Variants in SYT14 observed in about 807,000 individuals in gnomAD.
The protein encoded by SYT14 is synaptotagmin-14.
SYT14 carries 32 observed loss-of-function variants against 74.2 expected under a neutral mutation model. The observed-to-expected ratio is 0.43, with a 90% CI of 0.33 to 0.58. SYT14 has a LOEUF of 0.58. Among genes scored for constraint, SYT14 ranks in the 20% least tolerant of loss-of-function variants. The pLI is 0.05. For missense variants in SYT14, 791 were observed against 981.8 expected, an observed-to-expected ratio of 0.81 and a Z score of 2.60; for synonymous variants, 298 against 337.7, an observed-to-expected ratio of 0.88 and a Z score of 1.29.
intron 5 of SYT14, among the ~76,000 whole-genome samples, chr1:210,055,757 A>T (rs1237055830): frequency 2.6e-5 from 4 of 151,732 alleles, no homozygotes; most frequent in African/African-American, 9.7e-5. Context: ...GTGAGCTATG[A>T]TTGTTCCACT....
At chr1:210,132,329 CTGG>C (rs1558211235) in intron 7 of SYT14, among the ~76,000 whole-genome samples, 3 of 152,030 alleles carry the variant, frequency 2.0e-5, no homozygotes, top group Admixed American at 2.0e-4. Flanking sequence ...GTTCACCCTG[CTGG>C]TGTGCCACGT....
exon 7 of SYT14, chr1:210,100,188 A>G (rs774759872): frequency 3.8e-5 from 61 of 1,613,996 alleles, no homozygotes; most frequent in Non-Finnish European, 4.9e-5. Context: ...GTGGCAACTC[A>G]TGGCAAGTAC....
chr1:210,066,987 A>G (rs1017777577), intron 5 of SYT14, among the ~76,000 whole-genome samples: 1 of 152,182 alleles, frequency 6.6e-6, no homozygotes, highest in African/African-American at 2.4e-5. Flanking sequence ...TAATTTCTAT[A>G]TATAGTATAA....
At chr1:210,096,310 C>T (rs1214291387) in intron 6 of SYT14, among the ~76,000 whole-genome samples, 1 of 152,108 alleles carries the variant, frequency 6.6e-6, no homozygotes, top group East Asian at 1.9e-4. Flanking sequence ...CAAACATTAC[C>T]AGGCAAACTC....
chr1:210,013,837 A>G (rs1259106752), intron 3 of SYT14, 40 bp downstream of exon 3: 1 of 1,589,244 alleles, frequency 6.3e-7, no homozygotes, highest in South Asian at 1.1e-5. Context: ...TGTTCTTTTT[A>G]TCCGTACTAT....
intron 3 of SYT14, among the ~76,000 whole-genome samples, chr1:210,015,223 C>T (rs868413564): frequency 6.6e-6 from 1 of 152,100 alleles, no homozygotes; most frequent in Non-Finnish European, 1.5e-5. Context: ...CCTCTACATT[C>T]AATCTGTCAT....
intron 2 of SYT14, among the ~76,000 whole-genome samples, chr1:209,977,909 T>G (rs2079398846): frequency 6.6e-6 from 1 of 152,202 alleles, no homozygotes; most frequent in Non-Finnish European, 1.5e-5. Context: ...TCATTTCTTT[T>G]TATTCTTTTT....
At chr1:210,134,093 A>G (rs1183891244) in intron 7 of SYT14, among the ~76,000 whole-genome samples, 1 of 150,568 alleles carries the variant, frequency 6.6e-6, no homozygotes, top group Non-Finnish European at 1.5e-5. Context: ...TATTTTTGAG[A>G]TGCAGTCTCA....
chr1:210,137,870 G>A (rs1406871268), intron 7 of SYT14, among the ~76,000 whole-genome samples: 4 of 151,870 alleles, frequency 2.6e-5, no homozygotes, highest in South Asian at 4.1e-4. Flanking sequence ...TAGTAGAGAC[G>A]GGGTTTCACC....
intron 2 of SYT14, among the ~76,000 whole-genome samples, chr1:209,985,291 G>A (rs559810274): frequency 9.8e-5 from 15 of 152,310 alleles, no homozygotes; most frequent in South Asian, 8.3e-4. Context: ...GGGAGAAATC[G>A]GCCAAAAGAA....
At chr1:210,169,615 T>C (rs374417340) in exon 10 of SYT14, 32 of 152,274 alleles carry the variant, frequency 2.1e-4, no homozygotes, top group African/African-American at 7.5e-4. Flanking sequence ...GTGGTGAATA[T>C]AATATAGTGG....
chr1:210,159,077 CTGA>C (rs1201906067), intron 8 of SYT14, among the ~76,000 whole-genome samples: 1 of 152,070 alleles, frequency 6.6e-6, no homozygotes, highest in East Asian at 1.9e-4. Context: ...AATAATAATT[CTGA>C]TGATCTTTAT....
At chr1:209,964,701 A>G (rs957316777) in intron 2 of SYT14, among the ~76,000 whole-genome samples, 1 of 152,124 alleles carries the variant, frequency 6.6e-6, no homozygotes, top group Non-Finnish European at 1.5e-5. Flanking sequence ...TTCCTCAGCA[A>G]TGAAAATGCA....
chr1:209,975,751 A>G (rs577262258), intron 2 of SYT14, among the ~76,000 whole-genome samples: 6 of 152,166 alleles, frequency 3.9e-5, no homozygotes, highest in South Asian at 4.1e-4. Context: ...CTCTTTTTCT[A>G]TTGATTGGAA....
intron 2 of SYT14, among the ~76,000 whole-genome samples, chr1:210,007,600 T>C (rs1384074383): frequency 6.6e-6 from 1 of 152,090 alleles, no homozygotes; most frequent in Non-Finnish European, 1.5e-5. Flanking sequence ...AAGTTGAAAT[T>C]GCTTGCTATT....
chr1:209,959,424 G>A (rs1465829963), intron 2 of SYT14, among the ~76,000 whole-genome samples: 2 of 152,124 alleles, frequency 1.3e-5, no homozygotes, highest in African/African-American at 2.4e-5. Flanking sequence ...GATTACAGGC[G>A]TGAGCCACCA....
chr1:209,967,608 A>G (rs1192704272), intron 2 of SYT14, among the ~76,000 whole-genome samples: 2 of 152,088 alleles, frequency 1.3e-5, no homozygotes, highest in African/African-American at 4.8e-5. Flanking sequence ...TGAAGTTGTT[A>G]ATAATCTTTT....
chr1:210,012,511 T>C (rs200017234), intron 2 of SYT14, among the ~76,000 whole-genome samples: 17 of 152,254 alleles, frequency 1.1e-4, no homozygotes, highest in East Asian at 3.9e-4. Context: ...TCTGAGGCAA[T>C]GAGTATAACA....
intron 5 of SYT14, among the ~76,000 whole-genome samples, chr1:210,021,663 A>G (rs189185049): frequency 2.0e-4 from 30 of 152,316 alleles, no homozygotes; most frequent in Admixed American, 7.8e-4. Context: ...GTCTCATTCA[A>G]TATGGCTCCT....
Sources: allele counts gnomAD v4.1 joint callset (sites outside exome capture counted in the v4.1 genomes callset), GRCh38; gene constraint gnomAD v4.1.1; transcripts MANE v1.5; gene names NCBI Gene and HGNC (gene_info 2026-07-23, HGNC 2026-07-21).